The following ADGRL3 variants were observed in gnomAD, a reference collection of about 807,000 sequenced individuals.
ADGRL3 encodes calcium-independent alpha-latrotoxin receptor 3.
Under a neutral mutation model 153.5 loss-of-function variants are expected in ADGRL3, and 62 were observed. The ratio of observed to expected loss-of-function variants is 0.40; its 90% CI spans 0.33 to 0.50. ADGRL3 has a LOEUF of 0.50. Ranked by LOEUF, ADGRL3 falls within the 20% of genes least tolerant of loss-of-function variation. ADGRL3 has a pLI of 0.47. For synonymous variants in ADGRL3, 710 were observed against 672.5 expected (o/e 1.06, Z -0.86); for missense variants, 1,641 against 1,859.4 (o/e 0.88, Z 2.16).
intron 6 of ADGRL3, among the ~76,000 whole-genome samples, chr4:61,709,360 C>A (rs892992031): frequency 6.6e-6 from 1 of 152,082 alleles, no homozygotes; most frequent in African/African-American, 2.4e-5. Context: ...ATTTCCTTAG[C>A]AAAATTATGA....
intron 6 of ADGRL3, among the ~76,000 whole-genome samples, chr4:61,715,178 A>G (rs1320116459): frequency 6.6e-6 from 1 of 152,160 alleles, no homozygotes; most frequent in Non-Finnish European, 1.5e-5. Flanking sequence ...CTTGGCCAAT[A>G]TTATACAAAA....
At chr4:61,639,886 G>C (rs758441340) in intron 5 of ADGRL3, among the ~76,000 whole-genome samples, 26 of 151,814 alleles carry the variant, frequency 1.7e-4, no homozygotes, top group Non-Finnish European at 1.8e-4. Context: ...AGTCTTTCAC[G>C]TTACAAGTTA....
chr4:61,201,974 C>G (rs1281256870), intron 1 of ADGRL3, among the ~76,000 whole-genome samples: 1 of 151,934 alleles, frequency 6.6e-6, no homozygotes, highest in African/African-American at 2.4e-5. Flanking sequence ...TCGGGTCTGG[C>G]GCGGGTTGGA....
intron 16 of ADGRL3, among the ~76,000 whole-genome samples, chr4:61,947,401 A>T (rs1183033795): frequency 6.6e-6 from 1 of 152,138 alleles, no homozygotes; most frequent in East Asian, 1.9e-4. Flanking sequence ...GAACTAAATT[A>T]CAGCCTGAAA....
chr4:61,327,250 C>T (rs1337123723), intron 1 of ADGRL3, among the ~76,000 whole-genome samples: 1 of 150,314 alleles, frequency 6.7e-6, no homozygotes, highest in African/African-American at 2.4e-5. Flanking sequence ...TCCCTATTGT[C>T]CTTATTTTTA....
At position 61,330,222 on chromosome 4, in the gene ADGRL3, T is replaced by C. The variant is rs184037719; in HGVS notation, c.-239-52902T>C. 1.6e-3 allele frequency among the ~76,000 whole-genome samples: 251 copies of C among 152,272 alleles called. 6 individuals are homozygous for C. The highest frequency in any genetic ancestry group is 3.7e-4 in the Non-Finnish European group (25 of 68,010). ...TTGACTGGGATATGGGATGCACAGATAGCTGGTTAAACATTATTTCTAGGT... is the reference window on the plus strand; with the variant it reads ...TTGACTGGGATATGGGATGCACAGACAGCTGGTTAAACATTATTTCTAGGT... On this transcript the variant is annotated intron_variant, in intron 1 of 26. Coordinates refer to ENST00000683033, the MANE Select transcript of ADGRL3 (RefSeq NM_001387552.1).
chr4:61,485,232 A>G (rs1337570803), intron 2 of ADGRL3, among the ~76,000 whole-genome samples: 1 of 152,178 alleles, frequency 6.6e-6, no homozygotes, highest in Non-Finnish European at 1.5e-5. Context: ...TGCTACTGAT[A>G]CACTAACTAC....
chr4:61,357,990 A>T (rs970948340), intron 1 of ADGRL3, among the ~76,000 whole-genome samples: 1 of 152,308 alleles, frequency 6.6e-6, no homozygotes, highest in Non-Finnish European at 1.5e-5. Flanking sequence ...CCCTATTCTA[A>T]TAGGGAATTG....
rs149001497 is a variant in ADGRL3 at position 61,993,090 on chromosome 4, T to C, written c.3237-3201T>C. On this transcript the variant is annotated intron_variant, in intron 19 of 26. Transcript: ENST00000683033. ...CTACAAAATAATGAGAGCTGTATTA[T>C]TAAGTCATTCTTAAAACGTATTATT... Among the ~76,000 whole-genome samples, 1,323 of 151,990 alleles carry C rather than the reference T, an allele frequency of 8.7e-3. 16 individuals are homozygous for C. The highest frequency in any genetic ancestry group is 0.068 in the Middle Eastern group (20 of 294).
intron 6 of ADGRL3, among the ~76,000 whole-genome samples, chr4:61,693,457 A>G (rs1451129763): frequency 6.6e-6 from 1 of 152,084 alleles, no homozygotes; most frequent in Non-Finnish European, 1.5e-5. Context: ...TAAAATCAGT[A>G]TTATTAAATC....
chr4:61,819,775 A>G (rs970196242), intron 9 of ADGRL3, among the ~76,000 whole-genome samples: 2 of 152,140 alleles, frequency 1.3e-5, no homozygotes, highest in Middle Eastern at 3.2e-3. Flanking sequence ...TTCTTTTGTC[A>G]TATGAAATAT....
At chr4:61,215,645 G>A (rs144691560) in intron 1 of ADGRL3, among the ~76,000 whole-genome samples, 167 of 142,338 alleles carry the variant, frequency 1.2e-3, no homozygotes, top group African/African-American at 4.1e-3. Flanking sequence ...TCCGCCTCCC[G>A]GGTTCACGCC....
At chr4:61,909,431 G>A in intron 11 of ADGRL3, 129 bp from the exon 12 acceptor site, 1 of 630,914 alleles carries the variant, frequency 1.6e-6, no homozygotes, top group East Asian at 3.0e-5. Context: ...TATTCCAGAT[G>A]AAGATGAAGT....
chr4:61,725,752 C>A (rs931414039), intron 6 of ADGRL3, among the ~76,000 whole-genome samples: 23 of 95,786 alleles, frequency 2.4e-4, no homozygotes, highest in Admixed American at 1.6e-3. Context: ...TATGCTTTTT[C>A]ATGGATTTGA....
At chr4:61,312,387 T>C (rs1380311120) in intron 1 of ADGRL3, among the ~76,000 whole-genome samples, 1 of 152,096 alleles carries the variant, frequency 6.6e-6, no homozygotes, top group Non-Finnish European at 1.5e-5. Flanking sequence ...ATACACACAA[T>C]CACAGTCAAT....
chr4:61,437,545 T>A (rs962830367), intron 2 of ADGRL3, among the ~76,000 whole-genome samples: 3 of 152,146 alleles, frequency 2.0e-5, no homozygotes, highest in African/African-American at 7.2e-5. Context: ...GCTATTTGAG[T>A]TTACATGAAA....
intron 8 of ADGRL3, among the ~76,000 whole-genome samples, chr4:61,767,622 T>G (rs919648227): frequency 1.3e-5 from 2 of 152,100 alleles, no homozygotes; most frequent in African/African-American, 4.8e-5. Context: ...CCAGGAGCTC[T>G]GGGAGTGGCT....
chr4:61,919,328 G>A (rs1032627953), intron 13 of ADGRL3, among the ~76,000 whole-genome samples: 2 of 152,262 alleles, frequency 1.3e-5, no homozygotes, highest in East Asian at 3.9e-4. Flanking sequence ...GCAGGTTCTT[G>A]TGGTTTGGTA....
At chr4:61,268,762 A>G (rs1228032588) in intron 1 of ADGRL3, among the ~76,000 whole-genome samples, 3 of 151,666 alleles carry the variant, frequency 2.0e-5, no homozygotes, top group Non-Finnish European at 4.4e-5. Context: ...TGATTGATTG[A>G]GCAAGATAAT....
Sources: allele counts gnomAD v4.1 joint callset (sites outside exome capture counted in the v4.1 genomes callset), GRCh38; gene constraint gnomAD v4.1.1; transcripts MANE v1.5; gene names NCBI Gene and HGNC (gene_info 2026-07-23, HGNC 2026-07-21).